The following ALMS1 variants were observed in gnomAD, a reference collection of about 807,000 sequenced individuals.
ALMS1 encodes ALMS1 centrosome and basal body associated protein, also known as centrosome-associated protein ALMS1.
In ALMS1, 271 loss-of-function variants were observed where a neutral mutation model predicts 352.2. The ratio of observed to expected loss-of-function variants is 0.77; its 90% CI spans 0.70 to 0.85. The LOEUF is 0.85. ALMS1 is among the 40% of genes least tolerant of loss of function. The pLI is 0.00. For synonymous variants in ALMS1, 1,865 were observed against 1,761.2 expected (o/e 1.06, Z -1.48); for missense variants, 5,445 against 4,870.7 (o/e 1.12, Z -3.51).
At chr2:73,475,485 A>C (rs558049093) in intron 9 of ALMS1, among the ~76,000 whole-genome samples, 2 of 152,156 alleles carry the variant, frequency 1.3e-5, no homozygotes, top group African/African-American at 4.8e-5. Flanking sequence ...GGTGTTGAAC[A>C]TCTTTTCATG....
chr2:73,551,074 G>T (rs1440572668), intron 13 of ALMS1, among the ~76,000 whole-genome samples: 1 of 152,078 alleles, frequency 6.6e-6, no homozygotes, highest in African/African-American at 2.4e-5. Context: ...GCCTGGGCTG[G>T]TCTTGAATTC....
At chr2:73,521,307 T>C (rs1180923137) in intron 11 of ALMS1, among the ~76,000 whole-genome samples, 4 of 152,102 alleles carry the variant, frequency 2.6e-5, no homozygotes, top group African/African-American at 7.2e-5. Flanking sequence ...CAATTGGACT[T>C]TGGCTGGGCT....
intron 6 of ALMS1, among the ~76,000 whole-genome samples, chr2:73,428,368 T>C (rs12996463): frequency 0.57 from 86,536 of 151,830 alleles, 26,008 homozygotes; most frequent in East Asian, 0.77. Flanking sequence ...CATAAACTGT[T>C]CCCCCTCCCC....
At position 73,608,549 on chromosome 2, in the gene ALMS1, G is replaced by A. The variant is rs141665136; in HGVS notation, c.12437G>A (p.Arg4146Gln). The A allele has an allele frequency of 1.9e-5, 31 of 1,613,956 alleles. No individual in the cohort carries two copies. The highest frequency in any genetic ancestry group is 1.7e-4 in the Middle Eastern group (1 of 6,052). The stretch of plus-strand genomic sequence containing the variant: ...AGAAAATCAGAATATAAGTCATACC[G>A]GCTGCGAGCCCAGCTATATAAAAAG... ...EKRKSEYKSY[R>Q]LRAQLYKKRV... Residue 4146 changes from arginine to glutamine, a missense_variant, in exon 22 of 23, where the codon CGG becomes CAG. Coordinates refer to ENST00000613296, the MANE Select transcript of ALMS1 (RefSeq NM_001378454.1).
intron 12 of ALMS1, among the ~76,000 whole-genome samples, chr2:73,546,029 T>A (rs1674310655): frequency 5.3e-5 from 8 of 152,196 alleles, no homozygotes. Context: ...TGCAGTGCTA[T>A]GTTACAAGCT....
At chr2:73,550,554 C>G in intron 13 of ALMS1, 117 bp downstream of exon 13, 1 of 1,349,844 alleles carries the variant, frequency 7.4e-7, no homozygotes, top group South Asian at 1.3e-5. Flanking sequence ...TTTCTCCTTG[C>G]TGTTATATTG....
chr2:73,487,075 A>T (rs1314947912), intron 9 of ALMS1, among the ~76,000 whole-genome samples: 2 of 152,156 alleles, frequency 1.3e-5, no homozygotes, highest in Non-Finnish European at 2.9e-5. Context: ...AAAGAAAGAA[A>T]AATGTCACAG....
chr2:73,547,370 C>G lies in ALMS1; in HGVS notation c.9908-2897C>G, dbSNP rs559818357. Among the ~76,000 whole-genome samples, 3 of 152,248 alleles carry G rather than the reference C, an allele frequency of 2.0e-5. No homozygotes were observed. In the South Asian group the frequency reaches 6.2e-4, roughly 32 times the overall value. Reference sequence around the variant, plus strand: ...TAAAGATTAAAGCAGAGATAAGTTCCTTTTTACGCCAGCTCAGGGTGACTG... The same window carrying G: ...TAAAGATTAAAGCAGAGATAAGTTCGTTTTTACGCCAGCTCAGGGTGACTG... On this transcript the variant is annotated intron_variant, in intron 12 of 22. Transcript: ENST00000613296.
intron 12 of ALMS1, among the ~76,000 whole-genome samples, chr2:73,545,025 G>T (rs1027135259): frequency 6.6e-6 from 1 of 152,228 alleles, no homozygotes; most frequent in South Asian, 2.1e-4. Flanking sequence ...AGGGGCTGGG[G>T]CTAGGGGGAG....
chr2:73,415,528 A>G (rs1422619698), intron 2 of ALMS1, among the ~76,000 whole-genome samples: 1 of 150,798 alleles, frequency 6.6e-6, no homozygotes, highest in Non-Finnish European at 1.5e-5. Flanking sequence ...GTGGTTGAAG[A>G]CAAGGGAGTT....
chr2:73,555,533 C>A (rs1191831752), intron 13 of ALMS1, among the ~76,000 whole-genome samples: 1 of 152,122 alleles, frequency 6.6e-6, no homozygotes, highest in Non-Finnish European at 1.5e-5. Flanking sequence ...GTCCTTATGA[C>A]CATGTGATAA....
At chr2:73,455,610 C>T (rs992261400) in intron 9 of ALMS1, among the ~76,000 whole-genome samples, 3 of 152,168 alleles carry the variant, frequency 2.0e-5, no homozygotes, top group Admixed American at 6.5e-5. Flanking sequence ...CTACGTTGCC[C>T]AGGCTGGTCT....
At position 73,537,729 on chromosome 2, in the gene ALMS1, G is replaced by A. The variant is rs560925021; in HGVS notation, c.9907+2780G>A. Among the ~76,000 whole-genome samples the A allele has an allele frequency of 2.6e-3, 392 of 152,262 alleles. 3 individuals are homozygous for A. Among genetic ancestry groups the A allele is most frequent in the African/African-American group, 9.0e-3 (375 of 41,542 alleles). ...ATTGTATTACTTAAATGTCCAGGCC[G>A]GGTGCGGTGGCTCATGCCTGTAATG... On this transcript the variant is annotated intron_variant, in intron 12 of 22. Coordinates refer to ENST00000613296, the MANE Select transcript of ALMS1 (RefSeq NM_001378454.1).
chr2:73,538,158 G>A (rs1309845229), intron 12 of ALMS1, among the ~76,000 whole-genome samples: 2 of 152,190 alleles, frequency 1.3e-5, no homozygotes, highest in Non-Finnish European at 1.5e-5. Context: ...TCATTTATCT[G>A]TTGAGAGATT....
chr2:73,471,389 G>C (rs185437321), intron 9 of ALMS1, among the ~76,000 whole-genome samples: 1 of 148,300 alleles, frequency 6.7e-6, no homozygotes, highest in East Asian at 2.0e-4. Context: ...ACAGTTAAGA[G>C]ACTGAACTGG....
intron 15 of ALMS1, among the ~76,000 whole-genome samples, chr2:73,568,275 T>G (rs1674844762): frequency 6.6e-6 from 1 of 152,186 alleles, no homozygotes; most frequent in African/African-American, 2.4e-5. Context: ...GCAAATTTGT[T>G]GCAACATTTT....
At chr2:73,442,307 C>A (rs1464714805) in intron 7 of ALMS1, among the ~76,000 whole-genome samples, 1 of 151,806 alleles carries the variant, frequency 6.6e-6, no homozygotes, top group East Asian at 1.9e-4. Flanking sequence ...ATTATTATGC[C>A]ATATTGTTTT....
At chr2:73,438,591 A>G (rs989357254) in intron 7 of ALMS1, among the ~76,000 whole-genome samples, 1 of 152,208 alleles carries the variant, frequency 6.6e-6, no homozygotes, top group Non-Finnish European at 1.5e-5. Context: ...AGGAAATACA[A>G]ATTTGGAAGA....
At chr2:73,502,922 G>T (rs551316846) in intron 10 of ALMS1, among the ~76,000 whole-genome samples, 1 of 152,064 alleles carries the variant, frequency 6.6e-6, no homozygotes, top group African/African-American at 2.4e-5. Flanking sequence ...TAGTTATTTG[G>T]GAATACGTTG....
Sources: allele counts gnomAD v4.1 joint callset (sites outside exome capture counted in the v4.1 genomes callset), GRCh38; gene constraint gnomAD v4.1.1; transcripts MANE v1.5; gene names NCBI Gene and HGNC (gene_info 2026-07-23, HGNC 2026-07-21).